Variants in TET1 observed in about 807,000 individuals in gnomAD.
The protein encoded by TET1 is methylcytosine dioxygenase TET1.
A neutral mutation model predicts 148.7 loss-of-function variants in TET1; 13 were observed. The ratio of observed to expected loss-of-function variants is 0.09; its 90% CI spans 0.06 to 0.14. The LOEUF (loss-of-function observed/expected upper bound fraction) is 0.14, where lower values mean the gene tolerates loss of function less well. Among genes scored for constraint, TET1 ranks in the 10% least tolerant of loss-of-function variants. TET1 has a pLI of 1.00. For missense variants in TET1, 2,182 were observed against 2,553.8 expected (o/e 0.85, Z 3.14); for synonymous variants, 907 against 937.2 (o/e 0.97, Z 0.59).
chr10:68,656,853 C>G (rs1040827984), intron 6 of TET1, among the ~76,000 whole-genome samples: 1 of 151,812 alleles, frequency 6.6e-6, no homozygotes, highest in Non-Finnish European at 1.5e-5. Flanking sequence ...CGGTGAAACT[C>G]CGTCTCTAGT....
intron 3 of TET1, among the ~76,000 whole-genome samples, chr10:68,622,776 G>A (rs769208405): frequency 6.6e-6 from 1 of 151,736 alleles, no homozygotes; most frequent in Non-Finnish European, 1.5e-5. Flanking sequence ...ACAGTGTCTC[G>A]CCGTGTTGTC....
intron 2 of TET1, among the ~76,000 whole-genome samples, chr10:68,582,114 T>A (rs949269232): frequency 2.7e-5 from 4 of 150,038 alleles, no homozygotes; most frequent in Non-Finnish European, 4.4e-5. Context: ...TTTTTTTTTT[T>A]ATGGAAATGG....
chr10:68,646,132 C>T lies in TET1; in HGVS notation c.3403C>T (p.His1135Tyr). ...ACCACCTTCAAGTGTACACAATAAT[C>T]ATGGTTCATCATTAACAAAACAAAA... ...QKPPSSVHNN[H>Y]GSSLTKQKNP... Residue 1135 changes from histidine to tyrosine, a missense_variant, in exon 4 of 12, where the codon CAT (histidine) becomes TAT (tyrosine). By Grantham distance (83) the His-to-Tyr change is moderately conservative. Around this residue, in one of 11 missense-constraint regions of TET1, gnomAD observed 582 missense variants for 599.5 expected, o/e 0.97. Transcript: ENST00000373644. The T allele has an allele frequency of 6.2e-7, 1 of 1,613,360 alleles. No homozygotes were observed. Among genetic ancestry groups the T allele is most frequent in the South Asian group, 1.1e-5 (1 of 90,920 alleles).
At chr10:68,614,309 T>C (rs2054258819) in intron 3 of TET1, among the ~76,000 whole-genome samples, 1 of 152,138 alleles carries the variant, frequency 6.6e-6, no homozygotes, top group African/African-American at 2.4e-5. Flanking sequence ...CTCAATAGAA[T>C]TTCTAGGGGG....
In TET1 at chr10:68,691,783, A is replaced by ATGGTTAT; in HGVS notation, c.6380_6381insTGGTTAT (p.Val2128GlyfsTer8). Reference sequence around the variant, plus strand: ...ACCGTGTCCCCTTATGCTCTCACACACGTTGCGGGGCCCTATAACCATTGG... The same window carrying ATGGTTAT: ...ACCGTGTCCCCTTATGCTCTCACACATGGTTATCGTTGCGGGGCCCTATAACCATTGG... On this transcript the variant is annotated frameshift_variant, in exon 12 of 12. Coordinates refer to ENST00000373644, the MANE Select transcript of TET1 (RefSeq NM_030625.3). LOFTEE classifies it high-confidence loss of function. This position sits in a 1 kb window ranked among gnomAD's most constrained non-coding sequence, Gnocchi z 4.4. 1 of 1,613,664 alleles carries ATGGTTAT rather than the reference A, an allele frequency of 6.2e-7. No homozygotes were observed. Among genetic ancestry groups the ATGGTTAT allele is most frequent in the Non-Finnish European group, 8.5e-7 (1 of 1,179,956 alleles).
intron 3 of TET1, among the ~76,000 whole-genome samples, chr10:68,633,464 T>C (rs1319805963): frequency 1.3e-5 from 2 of 152,058 alleles, no homozygotes; most frequent in Non-Finnish European, 2.9e-5. Context: ...CACTGCAAAC[T>C]CTGCCTCCCA....
chr10:68,662,681 C>T (rs768192046), intron 6 of TET1, among the ~76,000 whole-genome samples: 11 of 152,176 alleles, frequency 7.2e-5, no homozygotes, highest in Admixed American at 4.6e-4. Context: ...ATGCACAGAT[C>T]GCTTGAGGCC....
chr10:68,674,810 A>G, intron 8 of TET1: 1 of 480,174 alleles, frequency 2.1e-6, no homozygotes, highest in South Asian at 1.7e-5. Context: ...CCAAATCTGG[A>G]ACAAGTTGAT....
intron 3 of TET1, among the ~76,000 whole-genome samples, chr10:68,619,086 G>GTT (rs2054333787): frequency 1.3e-5 from 2 of 152,122 alleles, no homozygotes; most frequent in Admixed American, 1.3e-4. Flanking sequence ...CTGTATACTT[G>GTT]TTCCTCCCTT....
Position 68,693,079 on chromosome 10 carries a change from A to G in TET1, c.*1265A>G. The G allele has an allele frequency of 4.3e-6, 1 of 229,890 alleles. No individual in the cohort carries two copies. The highest frequency in any genetic ancestry group is 8.5e-6 in the Non-Finnish European group (1 of 117,132). The allele number at this position is 229,890 out of a possible 1,614,324, so 14.2% of individuals were successfully genotyped here. A position where few individuals can be genotyped will look rare whatever the true frequency, so the allele number is the denominator to read the frequency against. On this transcript the variant is annotated 3_prime_UTR_variant, in exon 12 of 12. Transcript: ENST00000373644. ...CCATTAAGAGCTAATTCATTTGTTT[A>G]TCTTAGCATACTAGATTTGGGAAAA... is the stretch of plus-strand genomic sequence containing the variant.
At chr10:68,678,107 C>T (rs187807906) in intron 8 of TET1, among the ~76,000 whole-genome samples, 9 of 152,256 alleles carry the variant, frequency 5.9e-5, no homozygotes, top group African/African-American at 2.2e-4. Flanking sequence ...TACACTTGCC[C>T]TTGAATGAGA....
intron 3 of TET1, among the ~76,000 whole-genome samples, chr10:68,626,009 A>G (rs1310187914): frequency 6.6e-6 from 1 of 151,436 alleles, no homozygotes; most frequent in African/African-American, 2.4e-5. Flanking sequence ...ACTTCAGCCC[A>G]CAAGTTCCAG....
chr10:68,629,960 G>A (rs566187977), intron 3 of TET1, among the ~76,000 whole-genome samples: 1 of 152,252 alleles, frequency 6.6e-6, no homozygotes, highest in South Asian at 2.1e-4. Flanking sequence ...ATCCTGTAAG[G>A]GTGTGAGTTG....
Position 68,694,083 on chromosome 10 carries a change from A to ATCTC in TET1, c.*2276_*2279dup. ...GTAATGTATGCAGTAATTCAAATTG[A>ATCTC]TCTCTCTCTCAATAGGTTTCTTAAC... On this transcript the variant is annotated 3_prime_UTR_variant, in exon 12 of 12. Coordinates refer to ENST00000373644, the MANE Select transcript of TET1 (RefSeq NM_030625.3). 1 of 232,236 alleles carries ATCTC rather than the reference A, an allele frequency of 4.3e-6. No homozygotes were observed. The highest frequency in any genetic ancestry group is 8.5e-6 in the Non-Finnish European group (1 of 117,480). 14.4% of individuals were successfully genotyped at this position (232,236 alleles called of 1,614,324 possible). A position where few individuals can be genotyped will look rare whatever the true frequency, so the allele number is the denominator to read the frequency against.
rs747848417 is a variant in TET1, at chr10:68,644,691, T to C, written c.1969-7T>C. On this transcript the variant is annotated splice_polypyrimidine_tract_variant and splice_region_variant and intron_variant, in intron 3 of 11. Coordinates refer to ENST00000373644, the MANE Select transcript of TET1 (RefSeq NM_030625.3). ...TAGATGACATAAGTAATTTCTGTAT[T>C]TTACAGGCAGATTTTGACAACAAAC... The C allele has an allele frequency of 2.6e-6, 4 of 1,546,472 alleles. No individual in the cohort carries two copies. Among genetic ancestry groups the C allele is most frequent in the Admixed American group, 4.4e-5 (2 of 45,666 alleles).
intron 1 of TET1, among the ~76,000 whole-genome samples, chr10:68,570,795 C>A (rs981343341): frequency 1.3e-5 from 2 of 150,438 alleles, no homozygotes; most frequent in Non-Finnish European, 3.0e-5. Context: ...ACGCCCAGCT[C>A]ATTTTTTTTT....
chr10:68,667,285 C>A, intron 7 of TET1, 29 bp downstream of exon 7: 1 of 1,559,106 alleles, frequency 6.4e-7, no homozygotes, highest in East Asian at 2.3e-5. Context: ...TACTGCCTTA[C>A]CATTCAGATC....
At chr10:68,641,862 A>G (rs12248238) in intron 3 of TET1, among the ~76,000 whole-genome samples, 29,262 of 152,074 alleles carry the variant, frequency 0.19, 3,600 homozygotes, top group African/African-American at 0.35. Flanking sequence ...ACAGTGGCAT[A>G]ATAGTATCTC....
chr10:68,668,752 G>A (rs1333881163), intron 7 of TET1, among the ~76,000 whole-genome samples: 1 of 152,042 alleles, frequency 6.6e-6, no homozygotes, highest in African/African-American at 2.4e-5. Flanking sequence ...GACAAGGGAG[G>A]ACCACTTAAG....
Sources: gnomAD v4.1 joint callset for allele counts (sites outside exome capture counted in the v4.1 genomes callset) on GRCh38, gnomAD v4.1.1 for gene constraint, gnomAD v4.1.1 regional missense constraint, Gnocchi (gnomAD v3.1) non-coding constraint, MANE v1.5 for transcripts, NCBI Gene and HGNC (gene_info 2026-07-23, HGNC 2026-07-21) for gene names.